The following STK32B variants were observed in gnomAD, a reference collection of about 807,000 sequenced individuals.
The protein encoded by STK32B is serine/threonine-protein kinase 32B.
In STK32B, 43 loss-of-function variants were observed where a neutral mutation model predicts 52.6. The ratio of observed to expected loss-of-function variants is 0.82; its 90% CI spans 0.64 to 1.05. The LOEUF is 1.05. Among genes scored for constraint, STK32B ranks in the 50% least tolerant of loss-of-function variants. The probability of loss-of-function intolerance (pLI) is 0.00; values close to 1 mark genes in which losing one functional copy is unlikely to be tolerated. For missense variants in STK32B, 621 were observed against 534.6 expected (o/e 1.16, Z -1.59); for synonymous variants, 238 against 204.3 (o/e 1.17, Z -1.41).
At chr4:5,187,952 A>C (rs990614419) in intron 3 of STK32B, among the ~76,000 whole-genome samples, 2 of 152,172 alleles carry the variant, frequency 1.3e-5, no homozygotes, top group Non-Finnish European at 2.9e-5. Flanking sequence ...GTAGACGTGG[A>C]AAATGGCCTT....
intron 4 of STK32B, among the ~76,000 whole-genome samples, chr4:5,361,296 C>T (rs1445214596): frequency 6.6e-6 from 1 of 152,216 alleles, no homozygotes; most frequent in African/African-American, 2.4e-5. Flanking sequence ...ACAGATATCT[C>T]TTTGACACCC....
At chr4:5,247,322 C>A (rs956666164) in intron 3 of STK32B, among the ~76,000 whole-genome samples, 4 of 152,206 alleles carry the variant, frequency 2.6e-5, no homozygotes, top group Non-Finnish European at 5.9e-5. Context: ...AGATCTCAGA[C>A]TGCTGTGCTA....
At chr4:5,021,766 G>A in the STK32B span, among the ~76,000 whole-genome samples, 1 of 152,308 alleles carries the variant, frequency 6.6e-6, no homozygotes, top group African/African-American at 2.4e-5. Context: ...GCTGCAAAGA[G>A]GCTTATAGGC....
intron 4 of STK32B, among the ~76,000 whole-genome samples, chr4:5,383,254 T>A (rs1362065366): frequency 2.0e-5 from 3 of 152,144 alleles, no homozygotes; most frequent in African/African-American, 7.2e-5. Flanking sequence ...ATTCATGCTG[T>A]GCCTCAAGAG....
chr4:5,032,476 CAAAAAAAAAAAAA>C, the STK32B span, among the ~76,000 whole-genome samples: 3 of 49,712 alleles, frequency 6.0e-5, no homozygotes, highest in South Asian at 1.1e-3. Flanking sequence ...GACTCCATCT[CAAAAAAAAAAAAA>C]AAAAAAAAAA....
At chr4:5,245,807 T>G (rs1474586147) in intron 3 of STK32B, among the ~76,000 whole-genome samples, 5 of 152,148 alleles carry the variant, frequency 3.3e-5, no homozygotes, top group African/African-American at 7.2e-5. Flanking sequence ...GTCTGTAAAG[T>G]ATTTTATTTC....
chr4:5,317,443 TAC>T (rs1324775798), intron 3 of STK32B, among the ~76,000 whole-genome samples: 23 of 99,978 alleles, frequency 2.3e-4, no homozygotes, highest in African/African-American at 8.9e-4. Context: ...ATTACATATA[TAC>T]ATAATATATA....
intron 3 of STK32B, among the ~76,000 whole-genome samples, chr4:5,192,475 A>C (rs1241890006): frequency 6.6e-6 from 1 of 152,240 alleles, no homozygotes; most frequent in African/African-American, 2.4e-5. Context: ...CACACACGCT[A>C]CAGAAAGTCA....
At chr4:5,092,433 G>A (rs922096739) in intron 1 of STK32B, among the ~76,000 whole-genome samples, 1 of 152,038 alleles carries the variant, frequency 6.6e-6, no homozygotes, top group Non-Finnish European at 1.5e-5. Context: ...TCGGGAGGCT[G>A]AGGCCGGAGA....
rs1213194214 is a variant in STK32B at position 5,185,021 on chromosome 4, C to T, written c.260+16571C>T. Among the ~76,000 whole-genome samples, 7 of 152,338 alleles carry T rather than the reference C, an allele frequency of 4.6e-5. No homozygotes were observed. The East Asian group carries it at 5.8e-4, about 13-fold the overall frequency. ...GTTGCTCCCTGTTTCCGTGTGACTA[C>T]GTGTTCTCTCCTTCTCCTCCAGCGT... On this transcript the variant is annotated intron_variant, in intron 3 of 11. Coordinates refer to ENST00000282908, the MANE Select transcript of STK32B (RefSeq NM_018401.3).
At chr4:5,144,366 G>A (rs1716742080) in intron 2 of STK32B, among the ~76,000 whole-genome samples, 1 of 152,180 alleles carries the variant, frequency 6.6e-6, no homozygotes, top group Admixed American at 6.5e-5. Flanking sequence ...TTCAATAAAT[G>A]TTGATTCTTT....
intron 1 of STK32B, among the ~76,000 whole-genome samples, chr4:5,133,316 G>A (rs912493369): frequency 1.3e-5 from 2 of 152,172 alleles, no homozygotes; most frequent in Non-Finnish European, 2.9e-5. Flanking sequence ...TTGAATGAGT[G>A]ACTAATGGAA....
At chr4:5,482,525 C>T (rs1006011024) in intron 11 of STK32B, among the ~76,000 whole-genome samples, 4 of 152,190 alleles carry the variant, frequency 2.6e-5, no homozygotes, top group Non-Finnish European at 5.9e-5. Flanking sequence ...ATCATGTCAT[C>T]TGCCAACAGG....
intron 3 of STK32B, among the ~76,000 whole-genome samples, chr4:5,211,644 C>T (rs966150236): frequency 1.3e-5 from 2 of 152,164 alleles, no homozygotes; most frequent in East Asian, 3.9e-4. Flanking sequence ...CATCTCCTCC[C>T]TGCCAGCCTT....
intron 1 of STK32B, among the ~76,000 whole-genome samples, chr4:5,093,692 C>A (rs532987135): frequency 1.1e-4 from 17 of 150,560 alleles, no homozygotes; most frequent in Non-Finnish European, 2.4e-4. Context: ...TGCACATGTA[C>A]CCTAAAACTT....
chr4:5,093,479 G>A (rs912491129), intron 1 of STK32B, among the ~76,000 whole-genome samples: 3 of 151,910 alleles, frequency 2.0e-5, no homozygotes, highest in Admixed American at 6.6e-5. Flanking sequence ...ACCAAACACC[G>A]CATGTTCTCA....
intron 1 of STK32B, among the ~76,000 whole-genome samples, chr4:5,134,076 T>A (rs1715927146): frequency 6.6e-6 from 1 of 151,992 alleles, no homozygotes; most frequent in Non-Finnish European, 1.5e-5. Context: ...GACCCATACC[T>A]CAGATGCTTA....
At chr4:5,192,740 C>T (rs769014147) in intron 3 of STK32B, among the ~76,000 whole-genome samples, 2 of 56,216 alleles carry the variant, frequency 3.6e-5, no homozygotes, top group Admixed American at 1.9e-4. Context: ...GTGAGAACAC[C>T]GAGTTCTACT....
At chr4:5,205,704 G>GCACGC (rs1491373538) in intron 3 of STK32B, among the ~76,000 whole-genome samples, 2 of 22,358 alleles carry the variant, frequency 8.9e-5, no homozygotes, top group Admixed American at 1.6e-3. Context: ...GCGCGCGCGC[G>GCACGC]TGTGTGTGTG....
Sources: allele counts gnomAD v4.1 joint callset (sites outside exome capture counted in the v4.1 genomes callset), GRCh38; gene constraint gnomAD v4.1.1; transcripts MANE v1.5; gene names NCBI Gene and HGNC (gene_info 2026-07-23, HGNC 2026-07-21).